Variants in MACROD2 observed in about 807,000 individuals in gnomAD.
MACROD2 encodes the protein mono-ADP ribosylhydrolase 2.
In MACROD2, 36 loss-of-function variants were observed where a neutral mutation model predicts 70.4. The ratio of observed to expected loss-of-function variants is 0.51; its 90% CI spans 0.39 to 0.68. The LOEUF is 0.68. Among genes scored for constraint, MACROD2 ranks in the 30% least tolerant of loss-of-function variants. The pLI, the probability that MACROD2 is intolerant of heterozygous loss-of-function variation, is 0.00. For missense variants in MACROD2, 496 were observed against 538.4 expected (o/e 0.92, Z 0.78); for synonymous variants, 172 against 178.8 (o/e 0.96, Z 0.30).
At chr20:15,115,761 A>G (rs1275458959) in intron 5 of MACROD2, among the ~76,000 whole-genome samples, 1 of 152,178 alleles carries the variant, frequency 6.6e-6, no homozygotes, top group Non-Finnish European at 1.5e-5. Flanking sequence ...AGGATAAATC[A>G]GAAGATGTAT....
intron 5 of MACROD2, among the ~76,000 whole-genome samples, chr20:15,120,551 A>G (rs935279864): frequency 6.6e-5 from 10 of 152,178 alleles, no homozygotes; most frequent in African/African-American, 2.4e-4. Flanking sequence ...GTGCTTTGCA[A>G]ATGCTCTCTT....
At chr20:14,607,643 C>T (rs563232230) in intron 4 of MACROD2, among the ~76,000 whole-genome samples, 10 of 152,252 alleles carry the variant, frequency 6.6e-5, no homozygotes, top group Non-Finnish European at 7.4e-5. Flanking sequence ...GTTCCATTAA[C>T]GATACTTAAT....
chr20:15,129,125 A>T (rs1601111760), intron 5 of MACROD2, among the ~76,000 whole-genome samples: 1 of 152,180 alleles, frequency 6.6e-6, no homozygotes, highest in East Asian at 1.9e-4. Flanking sequence ...TATTAGAAAA[A>T]TAATTGGTTA....
At chr20:14,547,448 T>A (rs2085504216) in intron 4 of MACROD2, 1 of 206,482 alleles carries the variant, frequency 4.8e-6, no homozygotes, top group African/African-American at 2.3e-5. Flanking sequence ...TTTGAGCTGT[T>A]GTATTTTGCT....
intron 8 of MACROD2, among the ~76,000 whole-genome samples, chr20:15,639,762 A>G (rs13037372): frequency 6.6e-6 from 1 of 151,894 alleles, no homozygotes; most frequent in Non-Finnish European, 1.5e-5. Context: ...CCTCTTTCCT[A>G]CCACTGATGG....
chr20:14,346,610 T>C (rs2083067053), intron 3 of MACROD2, among the ~76,000 whole-genome samples: 1 of 151,478 alleles, frequency 6.6e-6, no homozygotes, highest in Non-Finnish European at 1.5e-5. Context: ...GCATTCTCTT[T>C]GTTTTGTTTA....
intron 6 of MACROD2, among the ~76,000 whole-genome samples, chr20:15,405,802 C>G (rs1361666822): frequency 6.6e-6 from 1 of 152,210 alleles, no homozygotes; most frequent in East Asian, 1.9e-4. Context: ...TTTGCAACAG[C>G]TTTTACCAGT....
chr20:14,822,632 T>G (rs902072624), intron 5 of MACROD2, among the ~76,000 whole-genome samples: 10 of 152,138 alleles, frequency 6.6e-5, no homozygotes, highest in African/African-American at 2.4e-4. Flanking sequence ...AATATTTTTG[T>G]TGAAAATATA....
At chr20:14,571,690 G>T (rs1206142687) in intron 4 of MACROD2, among the ~76,000 whole-genome samples, 1 of 151,958 alleles carries the variant, frequency 6.6e-6, no homozygotes, top group Non-Finnish European at 1.5e-5. Flanking sequence ...ATAAGTATTT[G>T]CCTGCTCCCA....
intron 4 of MACROD2, among the ~76,000 whole-genome samples, chr20:14,631,057 T>G (rs1984480462): frequency 6.6e-6 from 1 of 152,208 alleles, no homozygotes; most frequent in African/African-American, 2.4e-5. Context: ...TTTTAATATT[T>G]TTTAAAAGAA....
At chr20:14,232,061 A>G (rs2081819049) in intron 3 of MACROD2, among the ~76,000 whole-genome samples, 2 of 152,238 alleles carry the variant, frequency 1.3e-5, no homozygotes, top group East Asian at 3.9e-4. Context: ...AGATGAGTAG[A>G]TTGCAAAAAT....
intron 4 of MACROD2, among the ~76,000 whole-genome samples, chr20:14,552,175 G>A (rs1978697983): frequency 6.7e-6 from 1 of 149,542 alleles, no homozygotes; most frequent in African/African-American, 2.5e-5. Context: ...ATGTGACCTT[G>A]GAATAATTCA....
intron 6 of MACROD2, among the ~76,000 whole-genome samples, chr20:15,360,973 A>G (rs1479934579): frequency 3.3e-5 from 5 of 151,636 alleles, no homozygotes; most frequent in African/African-American, 4.8e-5. Context: ...TTTGTCATAT[A>G]TATGGTTTGC....
intron 5 of MACROD2, among the ~76,000 whole-genome samples, chr20:15,203,369 G>A (rs369040478): frequency 1.3e-5 from 2 of 152,008 alleles, no homozygotes; most frequent in African/African-American, 2.4e-5. Flanking sequence ...TTTATGAACC[G>A]AGTGGGAAGG....
At chr20:14,753,614 A>C (rs2071902996) in intron 5 of MACROD2, among the ~76,000 whole-genome samples, 1 of 152,100 alleles carries the variant, frequency 6.6e-6, no homozygotes, top group Non-Finnish European at 1.5e-5. Context: ...TCTGTTTAAA[A>C]AAAGTCATAC....
At chr20:14,390,605 C>T (rs1255473781) in intron 3 of MACROD2, among the ~76,000 whole-genome samples, 1 of 152,176 alleles carries the variant, frequency 6.6e-6, no homozygotes, top group Non-Finnish European at 1.5e-5. Flanking sequence ...CTTTAACTAT[C>T]TGATCTTCTA....
chr20:15,193,638 C>A (rs1029955403), intron 5 of MACROD2, among the ~76,000 whole-genome samples: 1 of 151,902 alleles, frequency 6.6e-6, no homozygotes, highest in Non-Finnish European at 1.5e-5. Context: ...AGAACAAAAC[C>A]CTGACTCAAG....
At chr20:14,905,589 C>G (rs2073949539) in intron 5 of MACROD2, 1 of 152,202 alleles carries the variant, frequency 6.6e-6, no homozygotes, top group African/African-American at 2.4e-5. Context: ...ACTAAGATCC[C>G]TTCCTGCCCT....
chr20:15,955,339 A>G (rs1251709898), intron 12 of MACROD2, among the ~76,000 whole-genome samples: 1 of 152,188 alleles, frequency 6.6e-6, no homozygotes, highest in African/African-American at 2.4e-5. Flanking sequence ...CAATCAACAT[A>G]AAGCAAAAAT....
Sources: allele counts gnomAD v4.1 joint callset (sites outside exome capture counted in the v4.1 genomes callset), GRCh38; gene constraint gnomAD v4.1.1; transcripts MANE v1.5; gene names NCBI Gene and HGNC (gene_info 2026-07-23, HGNC 2026-07-21).